ABCC4: variants seen among roughly 807,000 people sequenced by gnomAD.
The protein encoded by ABCC4 is ATP-binding cassette sub-family C member 4.
Under a neutral mutation model 168.5 loss-of-function variants are expected in ABCC4, and 102 were observed. That is an observed-to-expected ratio of 0.61 (90% confidence interval 0.52 to 0.71). ABCC4 has a LOEUF of 0.71. ABCC4 is among the 30% of genes least tolerant of loss of function. ABCC4 has a pLI of 0.00. For synonymous variants in ABCC4, 617 were observed against 590.7 expected (o/e 1.04, Z -0.65); for missense variants, 1,402 against 1,605.8 (o/e 0.87, Z 2.17).
intron 1 of ABCC4, among the ~76,000 whole-genome samples, chr13:95,273,292 G>C (rs936370972): frequency 6.6e-6 from 1 of 152,118 alleles, no homozygotes. Flanking sequence ...CTCCCACAAC[G>C]TCAGAGTGAG....
At position 95,247,094 on chromosome 13, in the gene ABCC4, A is replaced by G. The variant is rs2040125311; in HGVS notation, c.187T>C (p.Phe63Leu). 6.2e-7 allele frequency: 1 copy of G among 1,610,060 alleles called. No homozygotes were observed. Residue 63 changes from phenylalanine to leucine, a missense_variant and splice_region_variant, in exon 3 of 31, where the codon TTC (phenylalanine) becomes CTC (leucine). Around this residue, in one of 3 missense-constraint regions of ABCC4, gnomAD observed 317 missense variants for 345.5 expected, o/e 0.92. Transcript: ENST00000645237. The part of the protein sequence containing the change: ...SQHLGEELQG[F>L]WDKEVLRAEN... ...GCTCTTAAAACTTCTTTATCCCAGA[A>G]CCTACAATGAGGAAAAAGCTTCGTA...
intron 20 of ABCC4, among the ~76,000 whole-genome samples, chr13:95,090,961 A>G (rs565212677): frequency 6.6e-6 from 1 of 151,114 alleles, no homozygotes; most frequent in African/African-American, 2.5e-5. Context: ...CATTGGACAC[A>G]CTTACAGAAA....
intron 3 of ABCC4, among the ~76,000 whole-genome samples, chr13:95,239,624 T>G (rs558805102): frequency 6.6e-6 from 1 of 152,260 alleles, no homozygotes; most frequent in African/African-American, 2.4e-5. Flanking sequence ...ATAACTGTAA[T>G]GAACAGCACA....
At chr13:95,121,421 G>GTTT (rs1359646289) in intron 19 of ABCC4, among the ~76,000 whole-genome samples, 6 of 135,826 alleles carry the variant, frequency 4.4e-5, no homozygotes, top group African/African-American at 1.7e-4. Flanking sequence ...ACTTTATGGG[G>GTTT]TTTTTTTTTG....
At chr13:95,166,508 C>T (rs1246283923) in intron 14 of ABCC4, 141 bp from the exon 15 acceptor site, 2 of 691,942 alleles carry the variant, frequency 2.9e-6, no homozygotes, top group Non-Finnish European at 2.4e-6. Context: ...AAATCTAATA[C>T]AATTCAACTT....
At chr13:95,198,418 A>G (rs1246279329) in intron 8 of ABCC4, among the ~76,000 whole-genome samples, 1 of 152,244 alleles carries the variant, frequency 6.6e-6, no homozygotes, top group Non-Finnish European at 1.5e-5. Flanking sequence ...ATACCATCTC[A>G]CACCAGTTAG....
At chr13:95,192,155 G>A (rs1051093502) in intron 9 of ABCC4, among the ~76,000 whole-genome samples, 28 of 152,218 alleles carry the variant, frequency 1.8e-4, no homozygotes, top group African/African-American at 6.8e-4. Context: ...TTTTATAAAT[G>A]AGACCTAGGC....
rs142007765 is a variant in ABCC4 at position 95,191,774 on chromosome 13, T to TC, written c.1263+3061dup. Among the ~76,000 whole-genome samples, 1,308 of 152,346 alleles carry TC rather than the reference T, an allele frequency of 8.6e-3. 21 individuals carry two copies. The highest frequency in any genetic ancestry group is 0.034 in the Middle Eastern group (10 of 294). ...TCCCCTCCTTTGCAGTGTGTCTCTT[T>TC]CCTAACAACTACTTCTGATTTTACT... On this transcript the variant is annotated intron_variant, in intron 9 of 30. Transcript: ENST00000645237.
At chr13:95,219,858 G>GTT (rs112967336) in intron 4 of ABCC4, among the ~76,000 whole-genome samples, 8 of 101,250 alleles carry the variant, frequency 7.9e-5, no homozygotes, top group South Asian at 5.7e-4. Flanking sequence ...TCTTCTTTCT[G>GTT]CTTTTTTTTT....
chr13:95,149,586 T>C (rs1023934714), intron 19 of ABCC4, among the ~76,000 whole-genome samples: 1 of 152,198 alleles, frequency 6.6e-6, no homozygotes, highest in African/African-American at 2.4e-5. Context: ...AAAGCAACCA[T>C]TTCCTTCCTT....
chr13:95,170,899 T>C (rs1382682843), intron 13 of ABCC4, among the ~76,000 whole-genome samples: 2 of 152,078 alleles, frequency 1.3e-5, no homozygotes. Flanking sequence ...TAGTTTAACA[T>C]AGACATTCAA....
At chr13:95,157,913 G>T (rs1014790865) in intron 19 of ABCC4, among the ~76,000 whole-genome samples, 4 of 150,610 alleles carry the variant, frequency 2.7e-5, no homozygotes, top group Non-Finnish European at 4.4e-5. Flanking sequence ...TACTAAAAAA[G>T]TACAAAAAAT....
rs549352663 is a variant in ABCC4 at position 95,140,864 on chromosome 13, T to A, written c.2455+20325A>T. Among the ~76,000 whole-genome samples the A allele has an allele frequency of 3.3e-5, 5 of 152,362 alleles. No individual in the cohort carries two copies. In the South Asian group the frequency reaches 8.3e-4, roughly 25 times the overall value. ...TATTGTAACCTACAGGAACAAATAT[T>A]CATCTCCTAAGAGCTATATTGCACA... On this transcript the variant is annotated intron_variant, in intron 19 of 30. Coordinates refer to ENST00000645237, the MANE Select transcript of ABCC4 (RefSeq NM_005845.5).
At position 95,237,463 on chromosome 13, in the gene ABCC4, T is replaced by C. The variant is rs75380937; in HGVS notation, c.307-2629A>G. ...AACCAATCTATGACCTGGTGAAGAG[T>C]CTTTCCACAAACAAGCTAAGAATAG... On this transcript the variant is annotated intron_variant, in intron 3 of 30. Transcript: ENST00000645237. 1.9e-3 allele frequency among the ~76,000 whole-genome samples: 286 copies of C among 152,036 alleles called. 6 individuals are homozygous for C. The East Asian group carries it at 0.042, about 22-fold the overall frequency.
Position 95,265,544 on chromosome 13 carries a change from G to A in ABCC4, c.75-17791C>T, listed in dbSNP as rs12428242. On this transcript the variant is annotated intron_variant, in intron 1 of 30. Transcript: ENST00000645237. ...CCAACACTTTGGGAGGCTGAGGCTCGAGGACTGCTTGAGTCCAGGAATTTG... is the reference window on the plus strand; with the variant it reads ...CCAACACTTTGGGAGGCTGAGGCTCAAGGACTGCTTGAGTCCAGGAATTTG... Among the ~76,000 whole-genome samples the A allele has an allele frequency of 8.2e-3, 1,248 of 152,258 alleles. 74 individuals carry two copies. The highest frequency in any genetic ancestry group is 0.073 in the Admixed American group (1,110 of 15,288).
intron 25 of ABCC4, 46 bp from the exon 26 acceptor site, chr13:95,062,905 ATC>A: frequency 6.8e-7 from 1 of 1,472,788 alleles, no homozygotes; most frequent in Non-Finnish European, 9.2e-7. Context: ...AAAGAAAAAA[ATC>A]ACAGGATGCA....
At chr13:95,149,039 C>T (rs980649540) in intron 19 of ABCC4, 1 of 152,218 alleles carries the variant, frequency 6.6e-6, no homozygotes, top group South Asian at 2.1e-4. Flanking sequence ...TGAGCTAAAT[C>T]TATTCATCTG....
intron 30 of ABCC4, among the ~76,000 whole-genome samples, chr13:95,029,028 CATG>C (rs2031680720): frequency 6.6e-6 from 1 of 151,494 alleles, no homozygotes; most frequent in African/African-American, 2.4e-5. Context: ...ATTAGCCAGG[CATG>C]GTGGTGGGCG....
At chr13:95,179,920 G>C (rs2037834010) in intron 11 of ABCC4, among the ~76,000 whole-genome samples, 1 of 152,176 alleles carries the variant, frequency 6.6e-6, no homozygotes, top group African/African-American at 2.4e-5. Context: ...ACAATCTAAA[G>C]TAAGGGTATG....
Sources: allele counts gnomAD v4.1 joint callset (sites outside exome capture counted in the v4.1 genomes callset), GRCh38; gene constraint gnomAD v4.1.1; regional missense constraint gnomAD v4.1.1; transcripts MANE v1.5; gene names NCBI Gene and HGNC (gene_info 2026-07-23, HGNC 2026-07-21).